PTPRT: variants seen among roughly 807,000 people sequenced by gnomAD.
PTPRT encodes the protein receptor-type tyrosine-protein phosphatase T.
Under a neutral mutation model 176.8 loss-of-function variants are expected in PTPRT, and 56 were observed. That is an observed-to-expected ratio of 0.32 (90% CI 0.26 to 0.40). The LOEUF (loss-of-function observed/expected upper bound fraction) is 0.40. Among genes scored for constraint, PTPRT ranks in the 10% least tolerant of loss-of-function variants. The pLI is 1.00. For missense variants in PTPRT, 1,540 were observed against 1,908.2 expected, an observed-to-expected ratio of 0.81 and a Z score of 3.60; for synonymous variants, 783 against 739.0, an observed-to-expected ratio of 1.06 and a Z score of -0.96.
chr20:42,244,571 G>T (rs1391988579), intron 14 of PTPRT, among the ~76,000 whole-genome samples: 1 of 152,178 alleles, frequency 6.6e-6, no homozygotes, highest in East Asian at 1.9e-4. Flanking sequence ...GGCAAGTCCA[G>T]GGGTGCGGAT....
At chr20:42,915,965 TTTA>T (rs1418394433) in intron 1 of PTPRT, among the ~76,000 whole-genome samples, 15 of 151,900 alleles carry the variant, frequency 9.9e-5, no homozygotes, top group East Asian at 9.7e-4. Context: ...TGTTGTTGTT[TTTA>T]TTATTATTAT....
chr20:42,524,582 G>A (rs1009276763), intron 7 of PTPRT, among the ~76,000 whole-genome samples: 4 of 152,152 alleles, frequency 2.6e-5, no homozygotes, highest in African/African-American at 9.7e-5. Context: ...GAAATTTCCT[G>A]TAATAAATCT....
At chr20:42,966,879 G>GA (rs1402204670) in intron 1 of PTPRT, among the ~76,000 whole-genome samples, 2 of 152,226 alleles carry the variant, frequency 1.3e-5, no homozygotes, top group Admixed American at 6.5e-5. Context: ...GGAACTGTCA[G>GA]AGAAAATTAG....
chr20:42,406,838 T>G (rs2058965488), intron 9 of PTPRT, among the ~76,000 whole-genome samples: 1 of 152,130 alleles, frequency 6.6e-6, no homozygotes, highest in Non-Finnish European at 1.5e-5. Context: ...ATTAAGACAA[T>G]GTATTACAAA....
intron 1 of PTPRT, among the ~76,000 whole-genome samples, chr20:42,946,107 A>G (rs1031799287): frequency 6.6e-6 from 1 of 152,240 alleles, no homozygotes; most frequent in Non-Finnish European, 1.5e-5. Flanking sequence ...ATGTCGAGTC[A>G]GAGAGCAGCA....
chr20:42,777,440 C>T (rs902059460), intron 4 of PTPRT, among the ~76,000 whole-genome samples: 1 of 152,204 alleles, frequency 6.6e-6, no homozygotes, highest in African/African-American at 2.4e-5. Context: ...GCCCAGGTCA[C>T]ATTTTCAAAG....
At chr20:42,458,709 C>T (rs2070965356) in intron 8 of PTPRT, among the ~76,000 whole-genome samples, 1 of 152,186 alleles carries the variant, frequency 6.6e-6, no homozygotes, top group Non-Finnish European at 1.5e-5. Context: ...TATTGCTAAT[C>T]ATAGAAGCTA....
intron 7 of PTPRT, among the ~76,000 whole-genome samples, chr20:42,593,831 A>G (rs2073622508): frequency 6.6e-6 from 1 of 152,206 alleles, no homozygotes; most frequent in African/African-American, 2.4e-5. Flanking sequence ...TTAAACCTTG[A>G]ATAAATAGGT....
intron 7 of PTPRT, among the ~76,000 whole-genome samples, chr20:42,519,597 C>T (rs888864178): frequency 5.3e-5 from 8 of 151,984 alleles, no homozygotes; most frequent in Admixed American, 2.6e-4. Context: ...TTGTTGTTGA[C>T]TTATTTCTTC....
chr20:42,184,220 AT>A (rs1990635436), intron 16 of PTPRT, among the ~76,000 whole-genome samples: 1 of 152,180 alleles, frequency 6.6e-6, no homozygotes, highest in South Asian at 2.1e-4. Flanking sequence ...GGCCCAAAGA[AT>A]TAGAAGCCAA....
intron 9 of PTPRT, among the ~76,000 whole-genome samples, chr20:42,408,587 G>T (rs897363070): frequency 7.3e-6 from 1 of 136,432 alleles, no homozygotes; most frequent in Non-Finnish European, 1.6e-5. Flanking sequence ...TGGACCTTTT[G>T]TGTGAAATCT....
At chr20:42,394,705 T>C in intron 9 of PTPRT, among the ~76,000 whole-genome samples, 1 of 152,192 alleles carries the variant, frequency 6.6e-6, no homozygotes, top group East Asian at 1.9e-4. Flanking sequence ...ACTATTTGTT[T>C]AGCAATACTA....
At chr20:42,224,011 T>C (rs1045074443) in intron 15 of PTPRT, among the ~76,000 whole-genome samples, 2 of 152,190 alleles carry the variant, frequency 1.3e-5, no homozygotes, top group African/African-American at 4.8e-5. Context: ...TTCTTCCACT[T>C]AAAAAACATG....
chr20:42,321,301 T>C (rs2057795490), intron 11 of PTPRT, among the ~76,000 whole-genome samples: 1 of 152,170 alleles, frequency 6.6e-6, no homozygotes. Context: ...GCTTATTCCT[T>C]GGCTCTACTA....
intron 11 of PTPRT, among the ~76,000 whole-genome samples, chr20:42,324,027 A>C (rs976133261): frequency 2.0e-5 from 3 of 152,206 alleles, no homozygotes; most frequent in Non-Finnish European, 2.9e-5. Context: ...CTATCTATCC[A>C]AAAGAAATAA....
At chr20:42,915,119 G>A (rs1329587109) in intron 1 of PTPRT, among the ~76,000 whole-genome samples, 1 of 152,184 alleles carries the variant, frequency 6.6e-6, no homozygotes, top group Non-Finnish European at 1.5e-5. Flanking sequence ...CTGTGCTAAT[G>A]TCGTTGTTAA....
chr20:43,099,305 G>A (rs1259854686), intron 1 of PTPRT, among the ~76,000 whole-genome samples: 1 of 152,160 alleles, frequency 6.6e-6, no homozygotes, highest in African/African-American at 2.4e-5. Context: ...ACAGCACCCT[G>A]TGTAATAAGT....
chr20:42,157,926 T>C (rs553272756), intron 17 of PTPRT, among the ~76,000 whole-genome samples: 118 of 152,230 alleles, frequency 7.8e-4, no homozygotes, highest in Non-Finnish European at 8.8e-4. Flanking sequence ...GAAGAGGCCA[T>C]GTGTAGGTCT....
At chr20:42,522,813 T>C (rs1443596631) in intron 7 of PTPRT, among the ~76,000 whole-genome samples, 1 of 152,178 alleles carries the variant, frequency 6.6e-6, no homozygotes, top group Non-Finnish European at 1.5e-5. Flanking sequence ...TTATCTTCTG[T>C]CTTCCCATTT....
Sources: gnomAD v4.1 joint callset for allele counts (sites outside exome capture counted in the v4.1 genomes callset) on GRCh38, gnomAD v4.1.1 for gene constraint, MANE v1.5 for transcripts, NCBI Gene and HGNC (gene_info 2026-07-23, HGNC 2026-07-21) for gene names.